VRK2: variants seen among roughly 807,000 people sequenced by gnomAD.
VRK2 encodes the protein serine/threonine-protein kinase VRK2.
VRK2 carries 60 observed loss-of-function variants against 57.6 expected under a neutral mutation model. The observed-to-expected ratio is 1.04, with a 90% CI of 0.85 to 1.29. VRK2 has a LOEUF of 1.29. Among genes scored for constraint, VRK2 ranks in the 50% most tolerant of loss-of-function variants. VRK2 has a pLI of 0.00. For synonymous variants in VRK2, 231 were observed against 199.2 expected, an observed-to-expected ratio of 1.16 and a Z score of -1.35; for missense variants, 705 against 588.1, an observed-to-expected ratio of 1.20 and a Z score of -2.06.
At chr2:58,051,600 C>T (rs779009606) in intron 2 of VRK2, among the ~76,000 whole-genome samples, 8 of 152,174 alleles carry the variant, frequency 5.3e-5, no homozygotes, top group African/African-American at 7.2e-5. Flanking sequence ...ACATTCATTT[C>T]GATTCTTTCC....
At chr2:58,132,880 T>C (rs1679422545) in intron 9 of VRK2, among the ~76,000 whole-genome samples, 1 of 152,214 alleles carries the variant, frequency 6.6e-6, no homozygotes, top group African/African-American at 2.4e-5. Flanking sequence ...TCCTAGTCCC[T>C]TACCCAAAAC....
intron 1 of VRK2, among the ~76,000 whole-genome samples, chr2:57,908,170 G>A (rs1361924058): frequency 6.6e-6 from 1 of 152,166 alleles, no homozygotes; most frequent in Admixed American, 6.5e-5. Context: ...ACTTAGAGGA[G>A]CAGAGCACAA....
In VRK2 at chr2:58,013,190, A is replaced by G. The variant is rs572147975; in HGVS notation, c.-438-12475A>G. 6.6e-5 allele frequency among the ~76,000 whole-genome samples: 10 copies of G among 152,340 alleles called. No individual in the cohort carries two copies. The South Asian group carries it at 2.1e-3, about 32-fold the overall frequency. The stretch of plus-strand genomic sequence containing the variant: ...AATATATTTTCATGATGAAACATGA[A>G]AATAGGTATAGCGTAAAAAGATCTT... On this transcript the variant is annotated intron_variant, in intron 1 of 15. Transcript: ENST00000417641.
chr2:57,941,720 TG>T (rs1339875983), intron 1 of VRK2, among the ~76,000 whole-genome samples: 1 of 152,210 alleles, frequency 6.6e-6, no homozygotes, highest in Non-Finnish European at 1.5e-5. Flanking sequence ...TTTGCATTAT[TG>T]CTGCTGTTAA....
intron 1 of VRK2, among the ~76,000 whole-genome samples, chr2:58,020,628 C>CT (rs1673725625): frequency 6.6e-6 from 1 of 152,220 alleles, no homozygotes. Context: ...GTATTATATG[C>CT]TTAAATATGA....
chr2:58,077,324 G>A (rs898089215), intron 2 of VRK2, among the ~76,000 whole-genome samples: 10 of 151,832 alleles, frequency 6.6e-5, no homozygotes, highest in African/African-American at 7.3e-5. Flanking sequence ...ACAAGTCCTC[G>A]GATTCTTAAT....
chr2:57,970,937 T>C (rs1241806681), intron 1 of VRK2, among the ~76,000 whole-genome samples: 1 of 152,012 alleles, frequency 6.6e-6, no homozygotes, highest in Admixed American at 6.6e-5. Context: ...TTTCTTGCTA[T>C]TTATTTGTTA....
In VRK2 at chr2:58,059,245, A is replaced by G. The variant is rs535531545; in HGVS notation, c.136+10278A>G. 7.8e-4 allele frequency among the ~76,000 whole-genome samples: 118 copies of G among 152,184 alleles called. 1 individual carries two copies. The highest frequency in any genetic ancestry group is 1.4e-3 in the Non-Finnish European group (96 of 67,944). On this transcript the variant is annotated intron_variant, in intron 2 of 12. Transcript: ENST00000340157. ...TGGAAAAAATTGCGAATAGTCATCC[A>G]ATAGTTCATGCAATCTGATGAGAAA...
At chr2:58,008,020 T>C (rs935022982) in intron 1 of VRK2, among the ~76,000 whole-genome samples, 1 of 152,054 alleles carries the variant, frequency 6.6e-6, no homozygotes, top group Admixed American at 6.6e-5. Flanking sequence ...GAATGTAGTG[T>C]TTTGAACATA....
intron 11 of VRK2, among the ~76,000 whole-genome samples, chr2:58,141,642 T>C (rs1681355746): frequency 6.6e-6 from 1 of 152,010 alleles, no homozygotes; most frequent in South Asian, 2.1e-4. Context: ...TATTATAGTA[T>C]TTTAAGTGCA....
intron 2 of VRK2, among the ~76,000 whole-genome samples, chr2:58,029,263 A>T (rs1029507062): frequency 3.3e-5 from 5 of 152,076 alleles, no homozygotes; most frequent in Non-Finnish European, 7.4e-5. Context: ...AAGGATCAAC[A>T]TAATTTGCAT....
At chr2:57,988,747 A>T (rs1405924433) in intron 1 of VRK2, among the ~76,000 whole-genome samples, 1 of 152,190 alleles carries the variant, frequency 6.6e-6, no homozygotes, top group Non-Finnish European at 1.5e-5. Context: ...CCTGGTTCTC[A>T]GGCCTTCAGA....
At chr2:58,131,952 C>A in intron 9 of VRK2, 24 bp downstream of exon 9, 1 of 1,613,440 alleles carries the variant, frequency 6.2e-7, no homozygotes, top group Non-Finnish European at 8.5e-7. Flanking sequence ...AGTATTTCAT[C>A]ATGTACTGCA....
intron 5 of VRK2, among the ~76,000 whole-genome samples, chr2:58,087,608 G>C (rs569189717): frequency 1.3e-5 from 2 of 152,132 alleles, no homozygotes; most frequent in Non-Finnish European, 2.9e-5. Context: ...GTGCCAAACA[G>C]AACAGAAAAG....
intron 11 of VRK2, among the ~76,000 whole-genome samples, chr2:58,146,078 AAC>A (rs1682075612): frequency 6.6e-6 from 1 of 152,006 alleles, no homozygotes; most frequent in Admixed American, 6.6e-5. Context: ...TGCCGTAAGA[AAC>A]ATACGTGTGC....
In VRK2 at chr2:58,052,042, A is replaced by G. The variant is rs568106492; in HGVS notation, c.136+3075A>G. Among the ~76,000 whole-genome samples, 21 of 152,328 alleles carry G rather than the reference A, an allele frequency of 1.4e-4. No individual in the cohort carries two copies. The South Asian group carries it at 3.3e-3, about 24-fold the overall frequency. ...GAAAACTGAGGGTTAGAATTTTACT[A>G]TAATGCTGGGTATAACACAGAACCA... On this transcript the variant is annotated intron_variant, in intron 2 of 12. Coordinates refer to ENST00000340157, the MANE Select transcript of VRK2 (RefSeq NM_006296.7).
At chr2:57,963,988 G>GT (rs1447411791) in intron 1 of VRK2, among the ~76,000 whole-genome samples, 1 of 152,100 alleles carries the variant, frequency 6.6e-6, no homozygotes, top group Non-Finnish European at 1.5e-5. Flanking sequence ...TCTTTCTTCA[G>GT]TTTTTACTTG....
At chr2:58,043,956 G>A (rs1674569255), upstream of VRK2, among the ~76,000 whole-genome samples, 1 of 152,022 alleles carries the variant, frequency 6.6e-6, no homozygotes, top group Non-Finnish European at 1.5e-5. Context: ...TAGGTTTCCA[G>A]CTTTTAAATT....
intron 1 of VRK2, among the ~76,000 whole-genome samples, chr2:57,932,164 T>C (rs1353434141): frequency 6.6e-6 from 1 of 152,142 alleles, no homozygotes; most frequent in Non-Finnish European, 1.5e-5. Context: ...GCATTTTTTT[T>C]CCTTGTTTTG....
Sources: allele counts gnomAD v4.1 joint callset (sites outside exome capture counted in the v4.1 genomes callset), GRCh38; gene constraint gnomAD v4.1.1; transcripts MANE v1.5; gene names NCBI Gene and HGNC (gene_info 2026-07-23, HGNC 2026-07-21).